The following MILR1 variants were observed in gnomAD, a reference collection of about 807,000 sequenced individuals.
MILR1 encodes mast cell immunoglobulin like receptor 1, also known as allergin-1.
Under a neutral mutation model 18.5 loss-of-function variants are expected in MILR1, and 31 were observed. That is an observed-to-expected ratio of 1.68 (90% CI 1.26 to 2.26). The LOEUF (loss-of-function observed/expected upper bound fraction) is 2.26, where lower values mean the gene tolerates loss of function less well. MILR1 is among the 30% of genes most tolerant of loss of function. MILR1 has a pLI of 0.00. For missense variants in MILR1, 257 were observed against 157.4 expected (o/e 1.63, Z -3.38); for synonymous variants, 85 against 56.2 (o/e 1.51, Z -2.30).
At chr17:64,466,403 C>A (rs781900254) in intron 6 of MILR1, 39 bp from the exon 7 acceptor site, 2 of 1,588,112 alleles carry the variant, frequency 1.3e-6, no homozygotes, top group African/African-American at 1.3e-5. Flanking sequence ...CTAACACAAA[C>A]GCCACCAACC....
chr17:64,496,859 C>T, the MILR1 span: 4 of 1,613,748 alleles, frequency 2.5e-6, no homozygotes, highest in Admixed American at 3.3e-5. Context: ...TTTGGGGCTA[C>T]TCCTTTCCGT....
chr17:64,466,983 TTC>T (rs547459092), intron 8 of MILR1, among the ~76,000 whole-genome samples: 5 of 152,068 alleles, frequency 3.3e-5, no homozygotes, highest in African/African-American at 7.2e-5. Flanking sequence ...CTTTCTTTCT[TTC>T]TCTTTCTGTC....
At chr17:64,452,242 G>T (rs73332154) in intron 2 of MILR1, among the ~76,000 whole-genome samples, 333 of 151,576 alleles carry the variant, frequency 2.2e-3, no homozygotes, top group African/African-American at 7.6e-3. Context: ...CCAACTTCAA[G>T]AACTTTTTAT....
downstream of MILR1, among the ~76,000 whole-genome samples, chr17:64,472,322 T>C (rs960084638): frequency 8.6e-5 from 13 of 151,298 alleles, no homozygotes; most frequent in African/African-American, 2.9e-4. Flanking sequence ...CAAAAATTAG[T>C]TGGTGTGGTG....
Position 64,465,490 on chromosome 17 carries a change from G to T in MILR1, c.802G>T (p.Asp268Tyr). The T allele has an allele frequency of 6.2e-7, 1 of 1,611,068 alleles. No individual in the cohort carries two copies. Among genetic ancestry groups the T allele is most frequent in the Non-Finnish European group, 8.5e-7 (1 of 1,178,768 alleles). The stretch of plus-strand genomic sequence containing the variant: ...AAATAATGTGCCCAGGGACCGTGGA[G>T]ACACAGCCATGGAAGTTGGAATCTA... ...MRNNVPRDRG[D>Y]TAMEVGIYAN... The change falls in exon 6 of 10, where the codon GAC becomes TAC. Residue 268 changes from aspartate (D) to tyrosine (Y), a missense_variant. Coordinates refer to ENST00000619286, the MANE Select transcript of MILR1 (RefSeq NM_001085423.2).
Position 64,466,512 on chromosome 17 carries a change from G to T in MILR1, c.910+14G>T. 1.9e-6 allele frequency: 3 copies of T among 1,613,292 alleles called. No homozygotes were observed. Among genetic ancestry groups the T allele is most frequent in the African/African-American group, 1.3e-5 (1 of 75,042 alleles). On this transcript the variant is annotated intron_variant, in intron 7 of 9. Transcript: ENST00000619286. ...CAGCCCAAGATGGTGAGCATGTTCT[G>T]CAGAGTCTATTCCACTGCCCTCATG...
At chr17:64,490,909 C>G in the MILR1 span, 1 of 1,613,912 alleles carries the variant, frequency 6.2e-7, no homozygotes, top group Non-Finnish European at 8.5e-7. Flanking sequence ...AGTTTGTTTC[C>G]TTTCCGGCCT....
the MILR1 span, chr17:64,496,571 T>A: frequency 6.2e-7 from 1 of 1,613,336 alleles, no homozygotes. Flanking sequence ...GCCTGGTTTG[T>A]GGTGGAGGGC....
downstream of MILR1, among the ~76,000 whole-genome samples, chr17:64,469,500 C>T (rs9674898): frequency 3.0e-3 from 451 of 152,298 alleles, 2 homozygotes; most frequent in African/African-American, 0.011. Context: ...CGGATTAAAG[C>T]GATTCTCCTG....
the MILR1 span, among the ~76,000 whole-genome samples, chr17:64,484,924 A>G: frequency 6.6e-6 from 1 of 152,174 alleles, no homozygotes; most frequent in Non-Finnish European, 1.5e-5. Context: ...TTCAAAGGGT[A>G]TATGACTATT....
the MILR1 span, chr17:64,481,335 G>A: frequency 2.0e-6 from 2 of 985,206 alleles, no homozygotes; most frequent in African/African-American, 3.5e-5. Context: ...ACAAAAGCCA[G>A]GGTCAGAAAG....
the MILR1 span, chr17:64,481,473 A>T: frequency 1.1e-6 from 1 of 902,116 alleles, no homozygotes; most frequent in Admixed American, 6.2e-5. Flanking sequence ...GCCATCCCCC[A>T]TGGCCTTTCT....
At chr17:64,483,281 A>G in the MILR1 span, among the ~76,000 whole-genome samples, 3 of 152,150 alleles carry the variant, frequency 2.0e-5, no homozygotes, top group East Asian at 5.8e-4. Flanking sequence ...TGGGAGGCTG[A>G]GGCAGGTGGA....
the MILR1 span, chr17:64,496,423 C>T: frequency 8.2e-6 from 13 of 1,581,188 alleles, no homozygotes; most frequent in African/African-American, 1.4e-5. Context: ...GAAGGTTCTC[C>T]CGTAGTTTCC....
the MILR1 span, among the ~76,000 whole-genome samples, chr17:64,493,530 G>A: frequency 6.6e-6 from 1 of 152,060 alleles, no homozygotes; most frequent in Non-Finnish European, 1.5e-5. Context: ...TGTCGCCCAG[G>A]CTGGAGTGCA....
intron 3 of MILR1, among the ~76,000 whole-genome samples, chr17:64,454,083 C>G (rs2037236788): frequency 6.6e-6 from 1 of 151,896 alleles, no homozygotes; most frequent in South Asian, 2.1e-4. Flanking sequence ...GCATGCACCA[C>G]CATGCCCAGC....
intron 2 of MILR1, among the ~76,000 whole-genome samples, chr17:64,449,982 C>T (rs2037130060): frequency 6.6e-6 from 1 of 151,396 alleles, no homozygotes; most frequent in African/African-American, 2.4e-5. Context: ...GTCTGTCGCC[C>T]AGGCTGGAGT....
intron 3 of MILR1, among the ~76,000 whole-genome samples, chr17:64,454,240 AT>A (rs1392687162): frequency 1.4e-5 from 2 of 145,988 alleles, no homozygotes; most frequent in Non-Finnish European, 3.0e-5. Context: ...ACGTTTATTT[AT>A]TTAATAGCCT....
the MILR1 span, among the ~76,000 whole-genome samples, chr17:64,488,769 TCCAGCCTGG>T: frequency 6.6e-6 from 1 of 151,928 alleles, no homozygotes; most frequent in Non-Finnish European, 1.5e-5. Context: ...ATTTAAAAAT[TCCAGCCTGG>T]TCAATATGGT....
Sources: gnomAD v4.1 joint callset for allele counts (sites outside exome capture counted in the v4.1 genomes callset) on GRCh38, gnomAD v4.1.1 for gene constraint, MANE v1.5 for transcripts, NCBI Gene and HGNC (gene_info 2026-07-23, HGNC 2026-07-21) for gene names.